Variants in PTPRT observed in about 807,000 individuals in gnomAD.
PTPRT encodes protein tyrosine phosphatase receptor type T.
In PTPRT, 56 loss-of-function variants were observed where a neutral mutation model predicts 176.8. The observed-to-expected ratio is 0.32, with a 90% CI of 0.26 to 0.40. The LOEUF is 0.40. Among genes scored for constraint, PTPRT ranks in the 10% least tolerant of loss-of-function variants. PTPRT has a pLI of 1.00. For synonymous variants in PTPRT, 783 were observed against 739.0 expected, an observed-to-expected ratio of 1.06 and a Z score of -0.96; for missense variants, 1,540 against 1,908.2, an observed-to-expected ratio of 0.81 and a Z score of 3.60.
intron 7 of PTPRT, among the ~76,000 whole-genome samples, chr20:42,666,618 C>T (rs985632015): frequency 1.3e-5 from 2 of 152,152 alleles, no homozygotes; most frequent in South Asian, 2.1e-4. Flanking sequence ...GGAAGGATTG[C>T]TATCCTCACA....
chr20:42,810,118 C>T (rs947601025), intron 2 of PTPRT, among the ~76,000 whole-genome samples: 19 of 152,054 alleles, frequency 1.2e-4, no homozygotes, highest in Admixed American at 1.2e-3. Flanking sequence ...CACAGTGAAA[C>T]CCCATCGCTA....
intron 1 of PTPRT, among the ~76,000 whole-genome samples, chr20:43,134,475 C>T (rs967921479): frequency 3.3e-5 from 5 of 152,204 alleles, no homozygotes; most frequent in African/African-American, 1.2e-4. Context: ...TCAGTTTAGC[C>T]AGAATTCCCC....
chr20:42,852,501 G>A (rs529264154), intron 2 of PTPRT, among the ~76,000 whole-genome samples: 1 of 152,142 alleles, frequency 6.6e-6, no homozygotes, highest in Admixed American at 6.5e-5. Context: ...AAAACCTCTT[G>A]CTAATGCCAA....
At chr20:42,110,540 C>T (rs987668217) in intron 22 of PTPRT, 53 bp from the exon 23 acceptor site, 2 of 1,531,080 alleles carry the variant, frequency 1.3e-6, no homozygotes, top group African/African-American at 1.4e-5. Flanking sequence ...GCATACCCAG[C>T]CCAGCAACAC....
At chr20:42,299,005 G>A (rs1307309777) in intron 12 of PTPRT, among the ~76,000 whole-genome samples, 1 of 152,004 alleles carries the variant, frequency 6.6e-6, no homozygotes, top group Admixed American at 6.6e-5. Flanking sequence ...AATATAAAGT[G>A]ATACCCAAGT....
chr20:43,077,584 G>A (rs1329617263), intron 1 of PTPRT, among the ~76,000 whole-genome samples: 1 of 152,208 alleles, frequency 6.6e-6, no homozygotes, highest in Admixed American at 6.5e-5. Context: ...AGAGGGTTCA[G>A]AAGACATCAG....
chr20:42,304,750 G>T (rs2057519015), intron 12 of PTPRT, among the ~76,000 whole-genome samples: 1 of 152,150 alleles, frequency 6.6e-6, no homozygotes, highest in Non-Finnish European at 1.5e-5. Context: ...GATTTCATAG[G>T]ATTGATATAA....
At chr20:43,056,225 C>T (rs912870444) in intron 1 of PTPRT, among the ~76,000 whole-genome samples, 4 of 152,172 alleles carry the variant, frequency 2.6e-5, no homozygotes, top group African/African-American at 9.7e-5. Flanking sequence ...TGTGGTGTCC[C>T]TCTTTCATGG....
chr20:42,248,324 T>C (rs1181494438), intron 14 of PTPRT, among the ~76,000 whole-genome samples: 5 of 152,238 alleles, frequency 3.3e-5, no homozygotes, highest in Non-Finnish European at 7.3e-5. Context: ...GTTTCTGGAC[T>C]GATCCATGTT....
intron 1 of PTPRT, among the ~76,000 whole-genome samples, chr20:43,072,581 C>T (rs555221728): frequency 2.0e-5 from 3 of 152,292 alleles, no homozygotes; most frequent in Admixed American, 1.3e-4. Context: ...TCATTTCCAA[C>T]CCAGTGCTAG....
chr20:42,080,902 G>A lies in PTPRT; in HGVS notation c.4303C>T (p.Leu1435=). 2 of 1,610,718 alleles carry A rather than the reference G, an allele frequency of 1.2e-6. No homozygotes were observed. Among genetic ancestry groups the A allele is most frequent in the East Asian group, 2.2e-5 (1 of 44,846 alleles). ...EQYKFVYEVA[L]EYLSSF is the part of the protein sequence containing the mutation. Reference sequence around the variant, plus strand: ...AGCTAAAAGGAGCTTAAATATTCCAGTGCCACCTCGTATACAAATTTATAC... The same window carrying A: ...AGCTAAAAGGAGCTTAAATATTCCAATGCCACCTCGTATACAAATTTATAC... Residue 1435 remains leucine (L), a synonymous_variant, in exon 31 of 31, where the codon CTG becomes TTG. Coordinates refer to ENST00000373187, the MANE Select transcript of PTPRT (RefSeq NM_007050.6).
At chr20:42,820,712 TA>T (rs1254421293) in intron 2 of PTPRT, among the ~76,000 whole-genome samples, 6 of 151,906 alleles carry the variant, frequency 3.9e-5, no homozygotes, top group African/African-American at 1.4e-4. Context: ...ATAAACACAA[TA>T]AAAAATGATA....
chr20:42,675,971 T>C (rs2075494469), intron 7 of PTPRT, among the ~76,000 whole-genome samples: 2 of 152,228 alleles, frequency 1.3e-5, no homozygotes, highest in Non-Finnish European at 2.9e-5. Context: ...ATTGACCTGG[T>C]TTCCTGTTCT....
intron 18 of PTPRT, among the ~76,000 whole-genome samples, chr20:42,138,141 C>T (rs2146400838): frequency 6.6e-6 from 1 of 152,346 alleles, no homozygotes; most frequent in Middle Eastern, 3.4e-3. Flanking sequence ...CAAGAATTAG[C>T]ACCTCTAATG....
At chr20:42,431,694 T>C (rs2059216842) in intron 9 of PTPRT, among the ~76,000 whole-genome samples, 1 of 152,118 alleles carries the variant, frequency 6.6e-6, no homozygotes. Flanking sequence ...CATTTGTTGG[T>C]GGGGAGAGCA....
intron 2 of PTPRT, among the ~76,000 whole-genome samples, chr20:42,813,551 G>C (rs2077732258): frequency 6.6e-6 from 1 of 151,670 alleles, no homozygotes; most frequent in Non-Finnish European, 1.5e-5. Flanking sequence ...GTTCTGCCTA[G>C]GTGACTCCAC....
intron 1 of PTPRT, among the ~76,000 whole-genome samples, chr20:43,135,610 CAA>C (rs373674680): frequency 2.2e-4 from 34 of 152,172 alleles, no homozygotes; most frequent in African/African-American, 7.5e-4. Context: ...TAAAAACTAA[CAA>C]AGAATAAAGG....
At chr20:43,064,745 G>A (rs1377415886) in intron 1 of PTPRT, among the ~76,000 whole-genome samples, 1 of 152,144 alleles carries the variant, frequency 6.6e-6, no homozygotes, top group African/African-American at 2.4e-5. Context: ...GCCACCTCTG[G>A]TAACACTTCA....
At chr20:42,351,741 C>T (rs1000503571) in intron 10 of PTPRT, among the ~76,000 whole-genome samples, 31 of 152,160 alleles carry the variant, frequency 2.0e-4, no homozygotes, top group African/African-American at 6.7e-4. Flanking sequence ...TGAGAACCTG[C>T]GCTAATGTCT....
Sources: gnomAD v4.1 joint callset for allele counts (sites outside exome capture counted in the v4.1 genomes callset) on GRCh38, gnomAD v4.1.1 for gene constraint, MANE v1.5 for transcripts, NCBI Gene and HGNC (gene_info 2026-07-23, HGNC 2026-07-21) for gene names.